Variants in ZNF487 observed in about 807,000 individuals in gnomAD.
ZNF487 encodes zinc finger protein 487, also known as KRAB domain only 1.
In ZNF487, 4 loss-of-function variants were observed where a neutral mutation model predicts 3.0. The observed-to-expected ratio is 1.35, with a 90% CI of 0.66 to 3.08. The LOEUF is 3.08. Among genes scored for constraint, ZNF487 ranks in the 30% most tolerant of loss-of-function variants. The pLI is 0.01. For missense variants in ZNF487, 146 were observed against 98.7 expected, an observed-to-expected ratio of 1.48 and a Z score of -2.03; for synonymous variants, 55 against 34.6, an observed-to-expected ratio of 1.59 and a Z score of -2.06.
At chr10:43,519,088 AAT>A in the ZNF487 span, among the ~76,000 whole-genome samples, 25 of 151,760 alleles carry the variant, frequency 1.6e-4, no homozygotes, top group Middle Eastern at 6.3e-3. Flanking sequence ...CTCTCTCAAA[AAT>A]TTTTTTTTTG....
At chr10:43,488,998 G>T in the ZNF487 span, among the ~76,000 whole-genome samples, 6 of 151,886 alleles carry the variant, frequency 4.0e-5, no homozygotes, top group Non-Finnish European at 7.4e-5. Context: ...TGGCCTATGC[G>T]TGTAGTCCTG....
the ZNF487 span, among the ~76,000 whole-genome samples, chr10:43,516,615 T>C: frequency 6.6e-6 from 1 of 152,092 alleles, no homozygotes; most frequent in African/African-American, 2.4e-5. Flanking sequence ...GAGTCTGATG[T>C]TTGAGGGCAG....
chr10:43,505,828 A>G, the ZNF487 span, among the ~76,000 whole-genome samples: 1 of 151,978 alleles, frequency 6.6e-6, no homozygotes, highest in Non-Finnish European at 1.5e-5. Context: ...TTTTTAGTAG[A>G]GACAGGATTT....
chr10:43,454,531 A>G (rs1305186327), intron 1 of ZNF487: 1 of 152,228 alleles, frequency 6.6e-6, no homozygotes, highest in Non-Finnish European at 1.5e-5. Flanking sequence ...GCTATTTTAT[A>G]TTCAATGTTG....
At chr10:43,484,998 G>C (rs1841459822), downstream of ZNF487, among the ~76,000 whole-genome samples, 1 of 152,210 alleles carries the variant, frequency 6.6e-6, no homozygotes, top group African/African-American at 2.4e-5. Context: ...TCTGGTCATA[G>C]AGATGTCTCC....
At chr10:43,479,984 CTTCTTTCTTTCTTTCT>C (rs71533064) in intron 3 of ZNF487, among the ~76,000 whole-genome samples, 6 of 57,816 alleles carry the variant, frequency 1.0e-4, no homozygotes, top group Non-Finnish European at 2.2e-4. Context: ...TCTTTCTTTC[CTTCTTTCTTTCTTTCT>C]TTCTTTCTTT....
At chr10:43,519,094 T>G in the ZNF487 span, among the ~76,000 whole-genome samples, 1 of 152,162 alleles carries the variant, frequency 6.6e-6, no homozygotes, top group Non-Finnish European at 1.5e-5. Flanking sequence ...CAAAAATTTT[T>G]TTTTTGAGAT....
rs1839421215 is a variant in ZNF487, at chr10:43,437,254, G to T, written c.-102G>T. ...GTGAGAGGGGGAGCGTGGAGCCTCCGAGGCCGAGGTGAGGGGCGGCCGGCG... is the reference window on the plus strand; with the variant it reads ...GTGAGAGGGGGAGCGTGGAGCCTCCTAGGCCGAGGTGAGGGGCGGCCGGCG... On this transcript the variant is annotated 5_prime_UTR_variant, in exon 1 of 4. Coordinates refer to ENST00000437590, the MANE Select transcript of ZNF487 (RefSeq NM_001355444.3). The T allele has an allele frequency of 4.6e-6, 1 of 217,614 alleles. No homozygotes were observed. The highest frequency in any genetic ancestry group is 2.4e-5 in the African/African-American group (1 of 41,702). 13.5% of individuals were successfully genotyped at this position (217,614 alleles called of 1,614,324 possible).
At chr10:43,516,770 C>T in the ZNF487 span, among the ~76,000 whole-genome samples, 1 of 152,172 alleles carries the variant, frequency 6.6e-6, no homozygotes, top group Non-Finnish European at 1.5e-5. Flanking sequence ...CCTTTCCCAG[C>T]CCACTGACTC....
the ZNF487 span, among the ~76,000 whole-genome samples, chr10:43,500,893 T>C: frequency 2.6e-5 from 4 of 152,174 alleles, no homozygotes; most frequent in Admixed American, 2.0e-4. Context: ...GAACACCTAA[T>C]AATATCTTGA....
chr10:43,453,017 T>G (rs919720531), intron 1 of ZNF487: 3 of 151,868 alleles, frequency 2.0e-5, no homozygotes, highest in African/African-American at 7.3e-5. Context: ...AAAGGGGGAA[T>G]GAGGGAGTAT....
chr10:43,446,811 C>T (rs1839827117), intron 1 of ZNF487, among the ~76,000 whole-genome samples: 1 of 152,174 alleles, frequency 6.6e-6, no homozygotes, highest in Admixed American at 6.6e-5. Context: ...GAAGAGGCTG[C>T]AATCTCAGCA....
chr10:43,448,326 A>C (rs1839887380), intron 1 of ZNF487, among the ~76,000 whole-genome samples: 1 of 151,936 alleles, frequency 6.6e-6, no homozygotes, highest in Non-Finnish European at 1.5e-5. Context: ...TTTGTCAAAA[A>C]ATGTTTTTTT....
At chr10:43,500,668 A>AT in the ZNF487 span, among the ~76,000 whole-genome samples, 25,720 of 142,322 alleles carry the variant, frequency 0.18, 3,079 homozygotes, top group African/African-American at 0.36. Context: ...TGCCCAGCTA[A>AT]TTTTTTTTTT....
chr10:43,508,541 G>T, the ZNF487 span, among the ~76,000 whole-genome samples: 2 of 152,214 alleles, frequency 1.3e-5, no homozygotes, highest in Admixed American at 1.3e-4. Context: ...GGGCACGGTG[G>T]CTCATGCCTG....
the ZNF487 span, among the ~76,000 whole-genome samples, chr10:43,504,380 G>A: frequency 7.4e-6 from 1 of 135,234 alleles, no homozygotes; most frequent in African/African-American, 2.7e-5. Flanking sequence ...TGCAACCTCC[G>A]CCTCCCAGGT....
intron 1 of ZNF487, 69 bp downstream of exon 1, chr10:43,437,331 A>T (rs948549031): frequency 9.9e-5 from 17 of 171,818 alleles, no homozygotes; most frequent in Non-Finnish European, 1.5e-4. Context: ...TCGAGCGGGG[A>T]CTGGGCCCGC....
At chr10:43,498,709 T>A in the ZNF487 span, among the ~76,000 whole-genome samples, 1 of 151,534 alleles carries the variant, frequency 6.6e-6, no homozygotes, top group African/African-American at 2.4e-5. Flanking sequence ...TTGGGAGGCC[T>A]AGGCGGGTGG....
chr10:43,520,843 G>C, the ZNF487 span, among the ~76,000 whole-genome samples: 1 of 152,178 alleles, frequency 6.6e-6, no homozygotes, highest in Admixed American at 6.5e-5. Context: ...AAGATGGTTT[G>C]GATTGTGGAC....
Sources: allele counts gnomAD v4.1 joint callset (sites outside exome capture counted in the v4.1 genomes callset), GRCh38; gene constraint gnomAD v4.1.1; transcripts MANE v1.5; gene names NCBI Gene and HGNC (gene_info 2026-07-23, HGNC 2026-07-21).